The following RMDN1 variants were observed in gnomAD, a reference collection of about 807,000 sequenced individuals.
RMDN1 encodes regulator of microtubule dynamics 1, also known as regulator of microtubule dynamics protein 1.
Under a neutral mutation model 48.9 loss-of-function variants are expected in RMDN1, and 48 were observed. The ratio of observed to expected loss-of-function variants is 0.98; its 90% CI spans 0.78 to 1.25. The LOEUF is 1.25. Among genes scored for constraint, RMDN1 ranks in the 50% most tolerant of loss-of-function variants. The pLI is 0.00. For missense variants in RMDN1, 418 were observed against 373.4 expected, an observed-to-expected ratio of 1.12 and a Z score of -0.98; for synonymous variants, 148 against 132.6, an observed-to-expected ratio of 1.12 and a Z score of -0.80.
chr8:86,508,183 A>C, intron 1 of RMDN1: 1 of 326,642 alleles, frequency 3.1e-6, no homozygotes, highest in Non-Finnish European at 5.6e-6. Context: ...TACAGGGAGA[A>C]TAATTTCACA....
downstream of RMDN1, among the ~76,000 whole-genome samples, chr8:86,471,842 T>A (rs1382483990): frequency 6.6e-6 from 1 of 152,164 alleles, no homozygotes; most frequent in East Asian, 1.9e-4. Context: ...TGCGAGAGAA[T>A]CTATGACAAC....
Position 86,474,126 on chromosome 8 carries a change from T to TA in RMDN1, c.*181dup. 1 of 1,348,310 alleles carries TA rather than the reference T, an allele frequency of 7.4e-7. No individual in the cohort carries two copies. Among genetic ancestry groups the TA allele is most frequent in the South Asian group, 1.9e-5 (1 of 52,348 alleles). 83.5% of individuals were successfully genotyped at this position (1,348,310 alleles called of 1,614,324 possible). A position where few individuals can be genotyped will look rare whatever the true frequency, so the allele number is the denominator to read the frequency against. ...CATGGAGATTTATTTCTACCACTCTTATGGCGATTATTTATTTTACCCTAT... is the reference window on the plus strand; with the variant it reads ...CATGGAGATTTATTTCTACCACTCTTAATGGCGATTATTTATTTTACCCTAT... On this transcript the variant is annotated 3_prime_UTR_variant, in exon 10 of 10. Coordinates refer to ENST00000406452, the MANE Select transcript of RMDN1 (RefSeq NM_016033.3).
At chr8:86,513,414 T>C (rs894636858), upstream of RMDN1, among the ~76,000 whole-genome samples, 4 of 152,328 alleles carry the variant, frequency 2.6e-5, no homozygotes, top group South Asian at 2.1e-4. Flanking sequence ...CTTAAGATAC[T>C]AACTCTGTCA....
At chr8:86,509,570 A>G (rs186340985), upstream of RMDN1, among the ~76,000 whole-genome samples, 5 of 152,280 alleles carry the variant, frequency 3.3e-5, no homozygotes, top group East Asian at 9.7e-4. Flanking sequence ...TTGCATTTCT[A>G]TGGTACTTTT....
At chr8:86,470,262 G>T, downstream of RMDN1, 1 of 1,289,346 alleles carries the variant, frequency 7.8e-7, no homozygotes, top group Non-Finnish European at 1.0e-6. Flanking sequence ...CAATCCAGCA[G>T]TCAGCTCTGG....
Position 86,474,377 on chromosome 8 carries a change from T to C in RMDN1, c.895-19A>G. The C allele has an allele frequency of 6.4e-7, 1 of 1,571,190 alleles. No individual in the cohort carries two copies. Reference sequence around the variant, plus strand: ...TCTGTATCTAAAATGGAAAAATACATGTTATAAGTAAACAGGAGAGCTAAG... The same window carrying C: ...TCTGTATCTAAAATGGAAAAATACACGTTATAAGTAAACAGGAGAGCTAAG... On this transcript the variant is annotated intron_variant, in intron 9 of 9. Transcript: ENST00000406452.
At chr8:86,506,395 T>A (rs1819363093) in intron 2 of RMDN1, among the ~76,000 whole-genome samples, 1 of 152,222 alleles carries the variant, frequency 6.6e-6, no homozygotes, top group African/African-American at 2.4e-5. Context: ...CATGCTTGTC[T>A]ATGTCTGTTA....
In RMDN1 at chr8:86,504,395, T is replaced by C. The variant is rs908227523; in HGVS notation, c.247+2600A>G. ...GTATCCAGCTACCAACAGCCAATCA[T>C]CATTTCCATTGTGCTCCAGCTCTCT... On this transcript the variant is annotated intron_variant, in intron 2 of 9. Coordinates refer to ENST00000406452, the MANE Select transcript of RMDN1 (RefSeq NM_016033.3). 23 of 1,561,432 alleles carry C rather than the reference T, an allele frequency of 1.5e-5. No individual in the cohort carries two copies. In the African/African-American group the frequency reaches 2.6e-4, roughly 17 times the overall value.
intron 2 of RMDN1, chr8:86,505,134 C>T: frequency 7.7e-7 from 1 of 1,294,494 alleles, no homozygotes; most frequent in Non-Finnish European, 1.0e-6. Flanking sequence ...GAGACCTCAT[C>T]AGGATGAACC....
upstream of RMDN1, among the ~76,000 whole-genome samples, chr8:86,513,290 G>T (rs894697080): frequency 6.6e-6 from 1 of 152,138 alleles, no homozygotes; most frequent in African/African-American, 2.4e-5. Context: ...CAGGAGAATC[G>T]CTTGAACCCG....
At position 86,508,616 on chromosome 8, in the gene RMDN1, G is replaced by A. The variant is rs1819815935; in HGVS notation, c.5C>T (p.Ala2Val). 1 of 1,600,328 alleles carries A rather than the reference G, an allele frequency of 6.2e-7. No individual in the cohort carries two copies. ...AAGGCGCCACAGTCGAGCAGCCAGCGCCATGACCTGCAACTTGCGGGCTGA... is the reference window on the plus strand; with the variant it reads ...AAGGCGCCACAGTCGAGCAGCCAGCACCATGACCTGCAACTTGCGGGCTGA... Reference protein sequence around the residue: MALAARLWRLLP... With the variant: MVLAARLWRLLP... The change falls in exon 1 of 10, where the codon GCG becomes GTG. Residue 2 changes from alanine to valine, a missense_variant. Physicochemically the swap from Ala to Val is moderately conservative, Grantham distance 64. Transcript: ENST00000406452.
downstream of RMDN1, chr8:86,470,145 G>A: frequency 1.6e-6 from 2 of 1,280,306 alleles, no homozygotes; most frequent in Non-Finnish European, 2.0e-6. Flanking sequence ...AAGGAAGGAA[G>A]GAAACATCTA....
downstream of RMDN1, among the ~76,000 whole-genome samples, chr8:86,470,845 G>A (rs929883834): frequency 6.6e-6 from 1 of 152,146 alleles, no homozygotes; most frequent in Non-Finnish European, 1.5e-5. Context: ...ACAGATTAGT[G>A]CTGTCAGAGT....
At chr8:86,512,654 T>C (rs1197371035), upstream of RMDN1, among the ~76,000 whole-genome samples, 1 of 152,244 alleles carries the variant, frequency 6.6e-6, no homozygotes, top group Non-Finnish European at 1.5e-5. Flanking sequence ...AACAACTAAC[T>C]TAAGATTCAA....
intron 2 of RMDN1, among the ~76,000 whole-genome samples, chr8:86,502,662 C>G (rs1818456459): frequency 6.6e-6 from 1 of 152,150 alleles, no homozygotes; most frequent in Non-Finnish European, 1.5e-5. Flanking sequence ...TAAATAAAAT[C>G]TATCTATCTC....
downstream of RMDN1, among the ~76,000 whole-genome samples, chr8:86,471,443 C>CT (rs1812555491): frequency 6.6e-6 from 1 of 151,946 alleles, no homozygotes; most frequent in Admixed American, 6.6e-5. Context: ...GGAGAGTAAA[C>CT]TTTAACACAA....
At chr8:86,481,951 C>A in intron 5 of RMDN1, 1 of 842,100 alleles carries the variant, frequency 1.2e-6, no homozygotes, top group Non-Finnish European at 2.0e-6. Context: ...ATTTGCTTGT[C>A]ATCTTGCTGC....
At chr8:86,494,887 TC>T (rs1586716678) in intron 2 of RMDN1, 1 of 409,128 alleles carries the variant, frequency 2.4e-6, no homozygotes, top group East Asian at 7.7e-5. Flanking sequence ...GGTGGGAGGA[TC>T]ACTTGAACCC....
At chr8:86,504,757 G>A (rs1179848839) in intron 2 of RMDN1, 4 of 1,056,740 alleles carry the variant, frequency 3.8e-6, no homozygotes, top group Admixed American at 1.7e-5. Context: ...GAACTCTTCA[G>A]CCAGGGCCCC....
Sources: allele counts gnomAD v4.1 joint callset (sites outside exome capture counted in the v4.1 genomes callset), GRCh38; gene constraint gnomAD v4.1.1; transcripts MANE v1.5; gene names NCBI Gene and HGNC (gene_info 2026-07-23, HGNC 2026-07-21).